Variants in ZCCHC7 observed in about 807,000 individuals in gnomAD.
The protein encoded by ZCCHC7 is zinc finger CCHC-type containing 7, also known as zinc finger CCHC domain-containing protein 7.
A neutral mutation model predicts 52.0 loss-of-function variants in ZCCHC7; 35 were observed. The ratio of observed to expected loss-of-function variants is 0.67; its 90% confidence interval spans 0.51 to 0.89. The LOEUF is 0.89. ZCCHC7 is among the 40% of genes least tolerant of loss of function. ZCCHC7 has a pLI of 0.00. For synonymous variants in ZCCHC7, 217 were observed against 221.5 expected, an observed-to-expected ratio of 0.98 and a Z score of 0.18; for missense variants, 574 against 649.1, an observed-to-expected ratio of 0.88 and a Z score of 1.26.
chr9:37,219,445 T>G (rs1320329391), intron 2 of ZCCHC7, among the ~76,000 whole-genome samples: 1 of 152,146 alleles, frequency 6.6e-6, no homozygotes, highest in African/African-American at 2.4e-5. Flanking sequence ...TGGCTTAACT[T>G]CTGCTATATG....
At chr9:37,216,725 A>G (rs984661371) in intron 2 of ZCCHC7, among the ~76,000 whole-genome samples, 22 of 152,274 alleles carry the variant, frequency 1.4e-4, no homozygotes, top group Non-Finnish European at 2.6e-4. Context: ...GGAGAGCATT[A>G]TCTCATTGCC....
intron 2 of ZCCHC7, among the ~76,000 whole-genome samples, chr9:37,225,982 C>T (rs554532968): frequency 3.3e-5 from 5 of 152,072 alleles, no homozygotes; most frequent in Non-Finnish European, 5.9e-5. Flanking sequence ...TGAAGGCAGA[C>T]GAAATGGAAA....
At chr9:37,304,441 C>G (rs1829203011) in intron 4 of ZCCHC7, 128 bp downstream of exon 4, 1 of 1,109,278 alleles carries the variant, frequency 9.0e-7, no homozygotes, top group Non-Finnish European at 1.3e-6. Flanking sequence ...ATCATGAGGT[C>G]AGGAGATTGA....
intron 2 of ZCCHC7, among the ~76,000 whole-genome samples, chr9:37,217,866 G>A (rs1339132903): frequency 6.6e-6 from 1 of 152,116 alleles, no homozygotes; most frequent in Non-Finnish European, 1.5e-5. Context: ...TTTAAAATGT[G>A]CCAGTTTTCT....
At chr9:37,334,884 G>T (rs530336700) in intron 6 of ZCCHC7, among the ~76,000 whole-genome samples, 1 of 151,842 alleles carries the variant, frequency 6.6e-6, no homozygotes, top group African/African-American at 2.4e-5. Flanking sequence ...CATAGATACC[G>T]CACATTTCAA....
At chr9:37,277,992 CA>C (rs906650771) in intron 2 of ZCCHC7, among the ~76,000 whole-genome samples, 36 of 126,646 alleles carry the variant, frequency 2.8e-4, no homozygotes, top group South Asian at 7.7e-4. Flanking sequence ...ATTAGAAAAT[CA>C]AAAAAAAAAA....
chr9:37,262,221 T>G (rs902705063), intron 2 of ZCCHC7, among the ~76,000 whole-genome samples: 2 of 152,096 alleles, frequency 1.3e-5, no homozygotes, highest in African/African-American at 4.8e-5. Context: ...AGGTGATTTT[T>G]TTTTTTTTGG....
At chr9:37,293,152 C>G (rs896582073) in intron 2 of ZCCHC7, among the ~76,000 whole-genome samples, 6 of 152,092 alleles carry the variant, frequency 3.9e-5, no homozygotes, top group Non-Finnish European at 8.8e-5. Context: ...GTAATATAAA[C>G]ATTTGTGATA....
chr9:37,189,069 A>T (rs1822880660), intron 2 of ZCCHC7, among the ~76,000 whole-genome samples: 1 of 138,712 alleles, frequency 7.2e-6, no homozygotes, highest in South Asian at 2.4e-4. Context: ...TGAGATTTTC[A>T]TTTTGGTTAT....
At chr9:37,283,758 G>A (rs1012901730) in intron 2 of ZCCHC7, among the ~76,000 whole-genome samples, 7 of 152,060 alleles carry the variant, frequency 4.6e-5, no homozygotes, top group Non-Finnish European at 1.0e-4. Context: ...TATTAAAACA[G>A]AAAGGACAGT....
At chr9:37,325,512 T>C (rs1184504136) in intron 5 of ZCCHC7, among the ~76,000 whole-genome samples, 3 of 152,142 alleles carry the variant, frequency 2.0e-5, no homozygotes, top group Non-Finnish European at 1.5e-5. Context: ...ATACATACAT[T>C]TGGGTGCCAT....
At chr9:37,280,624 C>G (rs1013213286) in intron 2 of ZCCHC7, among the ~76,000 whole-genome samples, 6 of 150,144 alleles carry the variant, frequency 4.0e-5, no homozygotes, top group African/African-American at 1.2e-4. Flanking sequence ...AAAAAAAAAT[C>G]TGGAAAGTCC....
chr9:37,209,484 A>C (rs940627848), intron 2 of ZCCHC7, among the ~76,000 whole-genome samples: 1 of 152,080 alleles, frequency 6.6e-6, no homozygotes, highest in South Asian at 2.1e-4. Flanking sequence ...CATCAGAGAG[A>C]ATTCCCCTCA....
chr9:37,180,434 A>G (rs1435395808), intron 2 of ZCCHC7, among the ~76,000 whole-genome samples: 5 of 152,178 alleles, frequency 3.3e-5, no homozygotes, highest in Admixed American at 6.5e-5. Context: ...ACAGTGGTAC[A>G]ATTTGGTGGT....
intron 2 of ZCCHC7, among the ~76,000 whole-genome samples, chr9:37,246,375 C>T (rs776526192): frequency 3.3e-5 from 5 of 152,042 alleles, no homozygotes; most frequent in Non-Finnish European, 4.4e-5. Context: ...ACTGAACCCA[C>T]AGGAGTCCAC....
chr9:37,351,483 T>A (rs780420970), intron 7 of ZCCHC7, among the ~76,000 whole-genome samples: 3 of 152,260 alleles, frequency 2.0e-5, no homozygotes, highest in Non-Finnish European at 4.4e-5. Context: ...TTTTGTTTAT[T>A]TTTTGTAGAG....
chr9:37,160,734 A>G (rs1821052212), intron 2 of ZCCHC7, among the ~76,000 whole-genome samples: 1 of 151,980 alleles, frequency 6.6e-6, no homozygotes, highest in Non-Finnish European at 1.5e-5. Flanking sequence ...CAAAATACAA[A>G]AATTAGCCGG....
chr9:37,152,331 C>T (rs1018034745), intron 2 of ZCCHC7, among the ~76,000 whole-genome samples: 6 of 151,678 alleles, frequency 4.0e-5, no homozygotes, highest in Admixed American at 1.3e-4. Context: ...TCAGTTTTTC[C>T]CATTAGTAGC....
At chr9:37,308,672 T>G (rs1190548174) in intron 5 of ZCCHC7, among the ~76,000 whole-genome samples, 2 of 152,032 alleles carry the variant, frequency 1.3e-5, no homozygotes, top group Non-Finnish European at 2.9e-5. Context: ...AGGAGGCTAA[T>G]GCAGGAGGAT....
Sources: allele counts gnomAD v4.1 joint callset (sites outside exome capture counted in the v4.1 genomes callset), GRCh38; gene constraint gnomAD v4.1.1; transcripts MANE v1.5; gene names NCBI Gene and HGNC (gene_info 2026-07-23, HGNC 2026-07-21).